FILIP1L: variants seen among roughly 807,000 people sequenced by gnomAD.
FILIP1L encodes the protein filamin A interacting protein 1 like.
FILIP1L carries 55 observed loss-of-function variants against 96.6 expected under a neutral mutation model. That is an observed-to-expected ratio of 0.57 (90% confidence interval 0.46 to 0.71). The LOEUF is 0.71. FILIP1L is among the 30% of genes least tolerant of loss of function. The probability of loss-of-function intolerance (pLI) is 0.00; values close to 1 mark genes in which losing one functional copy is unlikely to be tolerated. For synonymous variants in FILIP1L, 467 were observed against 473.9 expected (o/e 0.99, Z 0.19); for missense variants, 1,304 against 1,321.2 (o/e 0.99, Z 0.20).
At position 99,930,874 on chromosome 3, in the gene FILIP1L, CG is replaced by C. The variant is rs762517685; in HGVS notation, c.146del (p.Pro49ArgfsTer42). The C allele has an allele frequency of 4.3e-5, 70 of 1,613,004 alleles. No homozygotes were observed. The Middle Eastern group carries it at 8.2e-4, about 19-fold the overall frequency. On this transcript the variant is annotated frameshift_variant, in exon 2 of 6. Coordinates refer to ENST00000477258, the MANE Select transcript of FILIP1L (RefSeq NM_001387850.1). LOFTEE classifies it high-confidence loss of function. ...DSPSESDVIL[P>X]CPKAEKPHSG... The stretch of plus-strand genomic sequence containing the variant: ...TGTGTGGCTTCTCTGCCTTGGGACA[CG>C]GAAGTATTACATCCGACTCACTGGG...
chr3:100,009,398 T>A (rs892628579), intron 1 of FILIP1L, among the ~76,000 whole-genome samples: 4 of 152,194 alleles, frequency 2.6e-5, no homozygotes, highest in Admixed American at 6.5e-5. Flanking sequence ...CAAGACTGTC[T>A]GCTCCTGTTA....
At chr3:99,894,691 A>G (rs1051241264) in intron 4 of FILIP1L, among the ~76,000 whole-genome samples, 4 of 152,214 alleles carry the variant, frequency 2.6e-5, no homozygotes, top group Non-Finnish European at 5.9e-5. Context: ...ATTATTAATT[A>G]TGGAGTTGAT....
At chr3:99,980,028 G>T (rs544750135) in intron 1 of FILIP1L, among the ~76,000 whole-genome samples, 5 of 152,282 alleles carry the variant, frequency 3.3e-5, no homozygotes, top group Admixed American at 1.3e-4. Flanking sequence ...GCAGCACTGG[G>T]GGGAAAGAAT....
chr3:99,922,448 C>T (rs1227911312), intron 4 of FILIP1L, among the ~76,000 whole-genome samples: 2 of 151,956 alleles, frequency 1.3e-5, no homozygotes, highest in Admixed American at 6.5e-5. Context: ...CCCTCTCTGC[C>T]GTGTAGTGAA....
chr3:99,848,088 T>G lies in FILIP1L; in HGVS notation c.3381+207A>C, dbSNP rs1035253867. On this transcript the variant is annotated intron_variant, in intron 5 of 5. Transcript: ENST00000477258. ...ATACAAGTATGTAAATGAAAAGATA[T>G]ACAGTAAGTGCACACTCGATATGAC... 4 of 1,373,898 alleles carry G rather than the reference T, an allele frequency of 2.9e-6. No individual in the cohort carries two copies. In the African/African-American group the frequency reaches 5.8e-5, roughly 20 times the overall value. The allele number at this position is 1,373,898 out of a possible 1,614,324, so 85.1% of individuals were successfully genotyped here. A position where few individuals can be genotyped will look rare whatever the true frequency, so the allele number is the denominator to read the frequency against.
At chr3:100,108,154 C>G (rs905819583) in intron 1 of FILIP1L, among the ~76,000 whole-genome samples, 9 of 152,146 alleles carry the variant, frequency 5.9e-5, no homozygotes, top group Non-Finnish European at 2.9e-5. Flanking sequence ...GATGACATTT[C>G]TAGCCCATGG....
chr3:99,900,231 T>A (rs1413585828), intron 4 of FILIP1L, among the ~76,000 whole-genome samples: 1 of 152,120 alleles, frequency 6.6e-6, no homozygotes, highest in Non-Finnish European at 1.5e-5. Context: ...TCAACCTCCT[T>A]GAGTTTGAGA....
chr3:99,913,593 TA>T (rs1204896971), intron 4 of FILIP1L, among the ~76,000 whole-genome samples: 2 of 152,080 alleles, frequency 1.3e-5, no homozygotes, highest in Admixed American at 6.5e-5. Flanking sequence ...TGCAACCACT[TA>T]AAAAAAGAAT....
chr3:99,989,690 T>TG (rs1559716333), intron 1 of FILIP1L, among the ~76,000 whole-genome samples: 1 of 149,744 alleles, frequency 6.7e-6, no homozygotes, highest in Non-Finnish European at 1.5e-5. Flanking sequence ...ATATATTTTT[T>TG]TTCTTTTTTT....
chr3:99,998,086 C>T (rs1026293528), intron 1 of FILIP1L, among the ~76,000 whole-genome samples: 2 of 152,168 alleles, frequency 1.3e-5, no homozygotes, highest in Non-Finnish European at 2.9e-5. Context: ...TGAGTTAAAA[C>T]CAGTTAACTG....
In FILIP1L at chr3:99,850,508, T is replaced by C. The variant is rs1375777547; in HGVS notation, c.1168A>G (p.Ile390Val). 6.2e-7 allele frequency: 1 copy of C among 1,613,026 alleles called. No individual in the cohort carries two copies. Among genetic ancestry groups the C allele is most frequent in the Non-Finnish European group, 8.5e-7 (1 of 1,179,860 alleles). ...LDMEGKDEEL[I>V]KMEEQCRDLN... ...TCTCTGCACTGCTCCTCCATTTTTA[T>C]GAGCTCTTCATCTTTCCCTTCCATA... is the stretch of plus-strand genomic sequence containing the variant. The change falls in exon 5 of 6, where the codon ATA becomes GTA. Residue 390 changes from isoleucine to valine, a missense_variant. Transcript: ENST00000477258.
chr3:99,957,537 A>C (rs1328459959), intron 1 of FILIP1L, among the ~76,000 whole-genome samples: 1 of 151,982 alleles, frequency 6.6e-6, no homozygotes, highest in Non-Finnish European at 1.5e-5. Flanking sequence ...AAGGAACAAA[A>C]CAGTGCTCTT....
At chr3:99,996,419 C>T (rs1334035408) in intron 1 of FILIP1L, among the ~76,000 whole-genome samples, 1 of 152,126 alleles carries the variant, frequency 6.6e-6, no homozygotes, top group African/African-American at 2.4e-5. Flanking sequence ...CCAACTTTCC[C>T]ACATTTTCCT....
At chr3:99,912,918 G>A (rs1211950942) in intron 4 of FILIP1L, among the ~76,000 whole-genome samples, 1 of 152,126 alleles carries the variant, frequency 6.6e-6, no homozygotes, top group Non-Finnish European at 1.5e-5. Context: ...GAATATTTGT[G>A]TCCCCCCAAA....
chr3:99,832,857 A>AAT (rs1942736323), intron 5 of FILIP1L, among the ~76,000 whole-genome samples: 2 of 139,264 alleles, frequency 1.4e-5, no homozygotes, highest in Admixed American at 7.0e-5. Context: ...AAAAAAAAAA[A>AAT]GTTGTTTTTT....
In FILIP1L at chr3:99,829,053, A is replaced by G. The variant is rs930233651; in HGVS notation, c.*1361T>C. Among the ~76,000 whole-genome samples the G allele has an allele frequency of 2.6e-5, 4 of 152,052 alleles. No individual in the cohort carries two copies. Among genetic ancestry groups the G allele is most frequent in the Non-Finnish European group, 5.9e-5 (4 of 68,016 alleles). On this transcript the variant is annotated 3_prime_UTR_variant, in exon 6 of 6. Coordinates refer to ENST00000477258, the MANE Select transcript of FILIP1L (RefSeq NM_001387850.1). ...GTGTTTGTACAGTGGCATTAGTGCA[A>G]TGAGGTGGACTTAGTTAGATAAGTA...
chr3:99,961,959 A>G (rs1708505401), intron 1 of FILIP1L, among the ~76,000 whole-genome samples: 1 of 152,198 alleles, frequency 6.6e-6, no homozygotes. Flanking sequence ...CTGATCTATT[A>G]ATAGCAGAGT....
chr3:100,075,960 A>G (rs1208414169), intron 1 of FILIP1L, among the ~76,000 whole-genome samples: 1 of 152,162 alleles, frequency 6.6e-6, no homozygotes, highest in African/African-American at 2.4e-5. Flanking sequence ...TCTCCAGGCA[A>G]TAGGCCCTCA....
In FILIP1L at chr3:99,971,348, A is replaced by G. The variant is rs980658417; in HGVS notation, c.-10-40318T>C. Among the ~76,000 whole-genome samples the G allele has an allele frequency of 1.2e-3, 182 of 151,542 alleles. 5 individuals carry two copies. Among genetic ancestry groups the G allele is most frequent in the Admixed American group, 0.011 (171 of 15,206 alleles). Reference sequence around the variant, plus strand: ...GAGCCCATCTCAAAAAAAAAAAAAAAAGAGAATATGGGATGCTGGAACCCA... The same window carrying G: ...GAGCCCATCTCAAAAAAAAAAAAAAGAGAGAATATGGGATGCTGGAACCCA... On this transcript the variant is annotated intron_variant, in intron 1 of 5. Transcript: ENST00000477258.
Sources: gnomAD v4.1 joint callset for allele counts (sites outside exome capture counted in the v4.1 genomes callset) on GRCh38, gnomAD v4.1.1 for gene constraint, MANE v1.5 for transcripts, NCBI Gene and HGNC (gene_info 2026-07-23, HGNC 2026-07-21) for gene names.